ATAD2B: variants seen among roughly 807,000 people sequenced by gnomAD.
The protein encoded by ATAD2B is ATPase family AAA domain containing 2B, also known as ATPase family AAA domain-containing protein 2B.
ATAD2B carries 40 observed loss-of-function variants against 167.6 expected under a neutral mutation model. The observed-to-expected ratio is 0.24, with a 90% CI of 0.19 to 0.31. ATAD2B has a LOEUF of 0.31. Ranked by LOEUF, ATAD2B falls within the 10% of genes least tolerant of loss-of-function variation. ATAD2B has a pLI of 1.00. For synonymous variants in ATAD2B, 579 were observed against 596.5 expected (o/e 0.97, Z 0.43); for missense variants, 1,242 against 1,757.2 (o/e 0.71, Z 5.24).
intron 18 of ATAD2B, among the ~76,000 whole-genome samples, chr2:23,802,730 A>G (rs1168700576): frequency 6.6e-6 from 1 of 152,126 alleles, no homozygotes; most frequent in Non-Finnish European, 1.5e-5. Flanking sequence ...ACAGACTGCT[A>G]CAGAGAAATC....
downstream of ATAD2B, among the ~76,000 whole-genome samples, chr2:23,747,453 C>A (rs1293877764): frequency 6.6e-6 from 1 of 151,762 alleles, no homozygotes; most frequent in Non-Finnish European, 1.5e-5. Flanking sequence ...CACAAAAAAA[C>A]AAGAACAAAC....
the ATAD2B span, among the ~76,000 whole-genome samples, chr2:23,733,920 C>T: frequency 5.3e-5 from 8 of 151,824 alleles, no homozygotes; most frequent in Non-Finnish European, 1.5e-5. Context: ...CTAAAGTACA[C>T]AGAAACACCC....
intron 16 of ATAD2B, among the ~76,000 whole-genome samples, chr2:23,821,869 G>T (rs1687498340): frequency 6.6e-6 from 1 of 152,028 alleles, no homozygotes; most frequent in African/African-American, 2.4e-5. Context: ...GGCCAGGCTG[G>T]TCTTGAACTC....
chr2:23,804,864 G>C (rs1178028386), intron 18 of ATAD2B, among the ~76,000 whole-genome samples: 1 of 151,904 alleles, frequency 6.6e-6, no homozygotes, highest in African/African-American at 2.4e-5. Flanking sequence ...TCTTGGCTGG[G>C]CACAGTGGCT....
chr2:23,725,181 G>A, the ATAD2B span, among the ~76,000 whole-genome samples: 1 of 152,102 alleles, frequency 6.6e-6, no homozygotes, highest in Non-Finnish European at 1.5e-5. Flanking sequence ...TGCTGAAAGG[G>A]CAGAATTGTC....
downstream of ATAD2B, chr2:23,748,662 C>T (rs748026316): frequency 6.6e-6 from 1 of 152,160 alleles, no homozygotes; most frequent in Non-Finnish European, 1.5e-5. Flanking sequence ...TAAAGAAAGA[C>T]ATGTTTTTCT....
chr2:23,803,520 G>A (rs1157628704), intron 18 of ATAD2B, among the ~76,000 whole-genome samples: 1 of 152,274 alleles, frequency 6.6e-6, no homozygotes, highest in Middle Eastern at 3.4e-3. Context: ...TGGGTGTGGA[G>A]CCAGAAAATC....
downstream of ATAD2B, among the ~76,000 whole-genome samples, chr2:23,745,812 C>T (rs888716588): frequency 6.6e-6 from 1 of 152,218 alleles, no homozygotes; most frequent in African/African-American, 2.4e-5. Context: ...TTTGTTTACT[C>T]TTTGCTGACT....
intron 17 of ATAD2B, among the ~76,000 whole-genome samples, chr2:23,813,727 A>C (rs1333018965): frequency 6.6e-6 from 1 of 152,204 alleles, no homozygotes; most frequent in Non-Finnish European, 1.5e-5. Flanking sequence ...CCTGGGTGAC[A>C]GAATGAGACC....
chr2:23,848,405 G>A (rs1189981202), intron 13 of ATAD2B, among the ~76,000 whole-genome samples: 1 of 151,802 alleles, frequency 6.6e-6, no homozygotes, highest in Non-Finnish European at 1.5e-5. Context: ...GCTTGAACCC[G>A]GGAGGCAGAG....
the ATAD2B span, among the ~76,000 whole-genome samples, chr2:23,738,964 T>C: frequency 6.6e-6 from 1 of 152,192 alleles, no homozygotes; most frequent in Non-Finnish European, 1.5e-5. Flanking sequence ...GGCCATTACA[T>C]AATGATAAAG....
chr2:23,907,644 G>C (rs1192025245), intron 1 of ATAD2B, among the ~76,000 whole-genome samples: 1 of 151,268 alleles, frequency 6.6e-6, no homozygotes, highest in Non-Finnish European at 1.5e-5. Flanking sequence ...CTTTAAACTT[G>C]GTTCATATGG....
intron 13 of ATAD2B, among the ~76,000 whole-genome samples, chr2:23,843,028 G>A (rs1691169397): frequency 6.6e-6 from 1 of 151,990 alleles, no homozygotes; most frequent in Non-Finnish European, 1.5e-5. Context: ...AAACCAAGTG[G>A]GTCTAACATG....
chr2:23,888,050 A>AG (rs1698949326), intron 3 of ATAD2B, 65 bp from the exon 4 acceptor site: 2 of 1,332,802 alleles, frequency 1.5e-6, no homozygotes, highest in African/African-American at 1.5e-5. Flanking sequence ...AGAAAAAAAA[A>AG]ATCAAAAAAT....
chr2:23,880,521 C>G (rs1697719018), intron 7 of ATAD2B, 118 bp downstream of exon 7: 4 of 625,666 alleles, frequency 6.4e-6, no homozygotes, highest in South Asian at 2.0e-5. Context: ...TGGGATCGCA[C>G]CACTGCACTC....
At chr2:23,741,761 C>T in the ATAD2B span, among the ~76,000 whole-genome samples, 1 of 152,144 alleles carries the variant, frequency 6.6e-6, no homozygotes, top group Admixed American at 6.5e-5. Context: ...TCAGAGTGAA[C>T]AGGCAACCTA....
intron 8 of ATAD2B, among the ~76,000 whole-genome samples, chr2:23,873,533 G>A (rs1311873508): frequency 6.6e-6 from 1 of 152,132 alleles, no homozygotes; most frequent in East Asian, 1.9e-4. Context: ...CTTAACGTAA[G>A]AGTTACCTCC....
At chr2:23,922,100 T>C (rs1178646632) in intron 1 of ATAD2B, among the ~76,000 whole-genome samples, 1 of 152,166 alleles carries the variant, frequency 6.6e-6, no homozygotes, top group African/African-American at 2.4e-5. Flanking sequence ...ACTCAAAATA[T>C]TTATTTTGAT....
At chr2:23,921,063 A>C (rs1378588608) in intron 1 of ATAD2B, among the ~76,000 whole-genome samples, 2 of 151,914 alleles carry the variant, frequency 1.3e-5, no homozygotes, top group South Asian at 2.1e-4. Context: ...AAAATTAGCC[A>C]GGTGTGGTGG....
Sources: allele counts gnomAD v4.1 joint callset (sites outside exome capture counted in the v4.1 genomes callset), GRCh38; gene constraint gnomAD v4.1.1; transcripts MANE v1.5; gene names NCBI Gene and HGNC (gene_info 2026-07-23, HGNC 2026-07-21).